Variants in CSMD1 observed in about 807,000 individuals in gnomAD.
The protein encoded by CSMD1 is CUB and sushi domain-containing protein 1.
Under a neutral mutation model 417.5 loss-of-function variants are expected in CSMD1, and 213 were observed. The observed-to-expected ratio is 0.51, with a 90% CI of 0.46 to 0.57. The LOEUF is 0.57. CSMD1 is among the 20% of genes least tolerant of loss of function. The probability of loss-of-function intolerance (pLI) is 0.00; values close to 1 mark genes in which losing one functional copy is unlikely to be tolerated. For missense variants in CSMD1, 6,923 were observed against 4,529.7 expected (o/e 1.53, Z -15.17); for synonymous variants, 2,862 against 1,736.8 (o/e 1.65, Z -16.11).
At chr8:4,204,700 G>A (rs191511035) in intron 3 of CSMD1, among the ~76,000 whole-genome samples, 6 of 152,200 alleles carry the variant, frequency 3.9e-5, no homozygotes, top group Non-Finnish European at 8.8e-5. Flanking sequence ...TGTCACCCAG[G>A]CTGGAATGCA....
At chr8:4,854,728 C>T (rs904757083) in intron 1 of CSMD1, among the ~76,000 whole-genome samples, 3 of 152,170 alleles carry the variant, frequency 2.0e-5, no homozygotes, top group Non-Finnish European at 4.4e-5. Context: ...CGGTGCACCA[C>T]GAGATTCTAT....
At chr8:4,034,265 T>A (rs1400959978) in intron 3 of CSMD1, among the ~76,000 whole-genome samples, 1 of 152,188 alleles carries the variant, frequency 6.6e-6, no homozygotes, top group Non-Finnish European at 1.5e-5. Flanking sequence ...ATTTAGGAAA[T>A]AAATACTAGT....
intron 5 of CSMD1, among the ~76,000 whole-genome samples, chr8:3,822,649 G>C (rs942321451): frequency 2.0e-5 from 3 of 152,038 alleles, no homozygotes; most frequent in Admixed American, 6.6e-5. Flanking sequence ...ATTACATTCC[G>C]TCTTCATTTA....
rs936519528 is a variant in CSMD1, at chr8:3,440,270, C to G, written c.1561+28442G>C. Among the ~76,000 whole-genome samples, 11 of 152,100 alleles carry G rather than the reference C, an allele frequency of 7.2e-5. No individual in the cohort carries two copies. In the East Asian group the frequency reaches 1.5e-3, roughly 21 times the overall value. ...TTTGAGATCTTTACTCTGAGTGTCC[C>G]AATACATGAACATACTATATCTCTC... is the stretch of plus-strand genomic sequence containing the variant. On this transcript the variant is annotated intron_variant, in intron 12 of 69. Coordinates refer to ENST00000635120, the MANE Select transcript of CSMD1 (RefSeq NM_033225.6).
chr8:4,399,289 A>T (rs943138865), intron 3 of CSMD1, among the ~76,000 whole-genome samples: 14 of 152,244 alleles, frequency 9.2e-5, no homozygotes, highest in Non-Finnish European at 2.1e-4. Context: ...CATCATTAGT[A>T]ATGAGGGAGC....
At chr8:4,031,347 G>C (rs765790786) in intron 4 of CSMD1, among the ~76,000 whole-genome samples, 1 of 152,208 alleles carries the variant, frequency 6.6e-6, no homozygotes, top group East Asian at 1.9e-4. Context: ...CAGAAGGCAA[G>C]GAGGAGCACA....
At chr8:3,878,598 G>T (rs7013615) in intron 5 of CSMD1, among the ~76,000 whole-genome samples, 35,271 of 152,022 alleles carry the variant, frequency 0.23, 4,858 homozygotes, top group African/African-American at 0.39. Context: ...CATTTTTACC[G>T]ATAAATCTGT....
intron 5 of CSMD1, among the ~76,000 whole-genome samples, chr8:3,767,912 T>A (rs1335404490): frequency 1.3e-5 from 2 of 152,146 alleles, no homozygotes; most frequent in African/African-American, 4.8e-5. Context: ...TTTCCCAACT[T>A]CTTAGCTTTT....
chr8:4,455,988 ACAAT>A, intron 2 of CSMD1, among the ~76,000 whole-genome samples: 1 of 146,886 alleles, frequency 6.8e-6, no homozygotes, highest in Middle Eastern at 3.5e-3. Context: ...TAGAAGACAA[ACAAT>A]AAATTGCTTA....
intron 9 of CSMD1, among the ~76,000 whole-genome samples, chr8:3,585,683 T>C (rs1315043707): frequency 6.6e-6 from 1 of 152,216 alleles, no homozygotes; most frequent in Non-Finnish European, 1.5e-5. Flanking sequence ...CATTTATTAA[T>C]AAAATGATGA....
intron 10 of CSMD1, among the ~76,000 whole-genome samples, chr8:3,509,325 TC>T (rs746303933): frequency 4.6e-5 from 7 of 152,166 alleles, no homozygotes; most frequent in Non-Finnish European, 1.0e-4. Flanking sequence ...TTATAGTAAA[TC>T]ATTTTACGTT....
At chr8:4,571,311 A>C (rs1798882160) in intron 2 of CSMD1, among the ~76,000 whole-genome samples, 1 of 152,164 alleles carries the variant, frequency 6.6e-6, no homozygotes, top group Non-Finnish European at 1.5e-5. Context: ...ACACTGCTTT[A>C]GCCGTGTCCC....
chr8:4,954,232 G>C (rs1228491022), intron 1 of CSMD1, among the ~76,000 whole-genome samples: 2 of 152,138 alleles, frequency 1.3e-5, no homozygotes, highest in East Asian at 3.8e-4. Flanking sequence ...CAGAGTTTAA[G>C]AAATTATTTT....
chr8:4,134,983 T>G (rs1041019936), intron 3 of CSMD1, among the ~76,000 whole-genome samples: 4 of 152,210 alleles, frequency 2.6e-5, no homozygotes, highest in African/African-American at 9.6e-5. Flanking sequence ...CAGCTTAGTG[T>G]CTGGGTTCTC....
At chr8:3,320,549 C>A (rs576491169) in intron 23 of CSMD1, among the ~76,000 whole-genome samples, 134 of 152,264 alleles carry the variant, frequency 8.8e-4, no homozygotes, top group Middle Eastern at 6.8e-3. Flanking sequence ...CTAATAAATA[C>A]AAAGAAATTG....
At chr8:3,320,241 C>A (rs1001045415) in intron 23 of CSMD1, among the ~76,000 whole-genome samples, 1 of 152,090 alleles carries the variant, frequency 6.6e-6, no homozygotes, top group Non-Finnish European at 1.5e-5. Flanking sequence ...TGGAGAGGGA[C>A]GGAGGATGAG....
rs768168514 is a variant in CSMD1, at chr8:3,289,764, C to G, written c.3951-5418G>C. On this transcript the variant is annotated intron_variant, in intron 25 of 69. Transcript: ENST00000635120. ...TGAGGAGGTTGCAATAATTTTCTCCCATTCTGTAGGTTGCCTGTTCACTCT... is the reference window on the plus strand; with the variant it reads ...TGAGGAGGTTGCAATAATTTTCTCCGATTCTGTAGGTTGCCTGTTCACTCT... Among the ~76,000 whole-genome samples the G allele has an allele frequency of 8.2e-4, 121 of 147,190 alleles. 30 individuals carry two copies. The highest frequency in any genetic ancestry group is 2.8e-3 in the African/African-American group (105 of 37,036).
intron 3 of CSMD1, among the ~76,000 whole-genome samples, chr8:4,232,401 G>A (rs536024784): frequency 2.4e-4 from 37 of 152,070 alleles, no homozygotes; most frequent in East Asian, 3.9e-4. Flanking sequence ...GTTTCCCCAC[G>A]TTGGCCAGCT....
chr8:3,352,619 C>G (rs1020917264), intron 21 of CSMD1, among the ~76,000 whole-genome samples: 1 of 152,130 alleles, frequency 6.6e-6, no homozygotes, highest in Non-Finnish European at 1.5e-5. Flanking sequence ...GCAGGCAGAT[C>G]ACCTGAAGTC....
Sources: gnomAD v4.1 joint callset for allele counts (sites outside exome capture counted in the v4.1 genomes callset) on GRCh38, gnomAD v4.1.1 for gene constraint, MANE v1.5 for transcripts, NCBI Gene and HGNC (gene_info 2026-07-23, HGNC 2026-07-21) for gene names.